Variants in MYOM1 observed in about 807,000 individuals in gnomAD.
MYOM1 encodes myomesin 1, also known as myomesin-1.
In MYOM1, 164 loss-of-function variants were observed where a neutral mutation model predicts 205.3. The observed-to-expected ratio is 0.80, with a 90% confidence interval of 0.70 to 0.91. MYOM1 has a LOEUF of 0.91. Among genes scored for constraint, MYOM1 ranks in the 40% least tolerant of loss-of-function variants. The pLI is 0.00. For missense variants in MYOM1, 2,011 were observed against 2,127.3 expected (o/e 0.95, Z 1.08); for synonymous variants, 772 against 789.4 (o/e 0.98, Z 0.37).
chr18:3,071,368 AT>A (rs142213821), intron 37 of MYOM1, among the ~76,000 whole-genome samples: 1 of 150,266 alleles, frequency 6.7e-6, no homozygotes, highest in Non-Finnish European at 1.5e-5. Flanking sequence ...AAACCGACTG[AT>A]TTTTTTTGAG....
chr18:3,090,930 C>T, intron 26 of MYOM1, 128 bp from the exon 27 acceptor site: 1 of 1,189,302 alleles, frequency 8.4e-7, no homozygotes, highest in Non-Finnish European at 1.2e-6. Context: ...GCCTGTAATC[C>T]CAGTACTTTG....
intron 9 of MYOM1, 53 bp from the exon 10 acceptor site, chr18:3,164,492 C>T (rs1402013467): frequency 2.0e-6 from 3 of 1,477,960 alleles, no homozygotes; most frequent in East Asian, 4.9e-5. Context: ...TTATAACTTC[C>T]TTCTTGTCTC....
intron 9 of MYOM1, among the ~76,000 whole-genome samples, chr18:3,166,263 C>CTTT (rs765532198): frequency 2.9e-4 from 32 of 111,642 alleles, no homozygotes; most frequent in South Asian, 6.2e-4. Flanking sequence ...TATCTCAAGT[C>CTTT]TTTTTTTTTT....
In MYOM1 at chr18:3,129,345, G is replaced by A; in HGVS notation, c.2681C>T (p.Thr894Ile). ...LPSSSQNLGQTEVSKVSETVQ... is the reference protein window; with the variant it reads ...LPSSSQNLGQIEVSKVSETVQ... ...TGTTTCACTTACTTTACTCACTTCTGTTTGGCCCAGGTTTTGAGAGCTACT... is the reference window on the plus strand; with the variant it reads ...TGTTTCACTTACTTTACTCACTTCTATTTGGCCCAGGTTTTGAGAGCTACT... The change falls in exon 18 of 38, where the codon ACA becomes ATA. Residue 894 changes from threonine to isoleucine, a missense_variant. Thr to Ile is a moderately conservative substitution (Grantham distance 89). Transcript: ENST00000356443. The A allele has an allele frequency of 8.7e-6, 14 of 1,613,972 alleles. No homozygotes were observed. The highest frequency in any genetic ancestry group is 1.2e-5 in the Non-Finnish European group (14 of 1,179,890).
chr18:3,238,285 C>T, the MYOM1 span, among the ~76,000 whole-genome samples: 7,485 of 152,090 alleles, frequency 0.049, 405 homozygotes, highest in African/African-American at 0.14. Context: ...AAGCCACTGC[C>T]GATCTGACAG....
chr18:3,131,387 T>C lies in MYOM1; in HGVS notation c.2494A>G (p.Lys832Glu). Residue 832 changes from lysine to glutamate, a missense_variant, in exon 17 of 38, where the codon AAA (lysine) becomes GAA (glutamate). By Grantham distance (56) the Lys-to-Glu change is moderately conservative (BLOSUM62 1). Coordinates refer to ENST00000356443, the MANE Select transcript of MYOM1 (RefSeq NM_003803.4). ...ATAAGGAACTTACCAATAGCAGCTT[T>C]GACTTCAATAGCTTCTGAATCCTGG... is the stretch of plus-strand genomic sequence containing the variant. ...YSQDSEAIEV[K>E]AAIGGGVSPD... 2 of 1,613,920 alleles carry C rather than the reference T, an allele frequency of 1.2e-6. No individual in the cohort carries two copies. The highest frequency in any genetic ancestry group is 4.5e-5 in the East Asian group (2 of 44,866).
At position 3,129,498 on chromosome 18, in the gene MYOM1, A is replaced by G. The variant is rs1598703591; in HGVS notation, c.2528T>C (p.Val843Ala). 6.2e-7 allele frequency: 1 copy of G among 1,611,710 alleles called. No individual in the cohort carries two copies. The highest frequency in any genetic ancestry group is 8.5e-7 in the Non-Finnish European group (1 of 1,178,310). ...AAIGGGVSPD[V>A]CPALSDEPGG... ...AGGCTCATCGCTCAGTGCGGGACAC[A>G]CATCTGGAGACACTCCTCCCCCTAC... is the stretch of plus-strand genomic sequence containing the variant. The change falls in exon 18 of 38, where the codon GTG (valine) becomes GCG (alanine). Residue 843 changes from valine (V) to alanine (A), a missense_variant. Transcript: ENST00000356443.
At chr18:3,229,119 C>T in the MYOM1 span, among the ~76,000 whole-genome samples, 176 of 152,298 alleles carry the variant, frequency 1.2e-3, no homozygotes, top group African/African-American at 4.0e-3. Context: ...AGTTTCAACC[C>T]AGCTCTTTTA....
intron 19 of MYOM1, among the ~76,000 whole-genome samples, chr18:3,124,675 G>A (rs180843944): frequency 1.3e-5 from 2 of 152,032 alleles, no homozygotes; most frequent in African/African-American, 2.4e-5. Flanking sequence ...TCTCTGTGGG[G>A]GGGGGTTAAT....
At position 3,215,144 on chromosome 18, in the gene MYOM1, C is replaced by G; in HGVS notation, c.80G>C (p.Ser27Thr). Residue 27 changes from serine to threonine, a missense_variant, in exon 2 of 38, where the codon AGT (serine) becomes ACT (threonine). By Grantham distance (58) the Ser-to-Thr change is moderately conservative (BLOSUM62 1). Coordinates refer to ENST00000356443, the MANE Select transcript of MYOM1 (RefSeq NM_003803.4). ...YRNKDVRSTV[S>T]HYQREKKRSA... ...GCGTTTCTTCTCCCGCTGGTAGTGA[C>G]TCACGGTGCTGCGCACGTCCTTGTT... 1 of 1,613,840 alleles carries G rather than the reference C, an allele frequency of 6.2e-7. No homozygotes were observed. Among genetic ancestry groups the G allele is most frequent in the Non-Finnish European group, 8.5e-7 (1 of 1,179,842 alleles).
intron 5 of MYOM1, among the ~76,000 whole-genome samples, chr18:3,177,815 T>C (rs553784526): frequency 6.4e-4 from 97 of 152,358 alleles, no homozygotes; most frequent in African/African-American, 2.2e-3. Flanking sequence ...TTAAGTGTTT[T>C]ATTCAATGTC....
chr18:3,187,592 G>A lies in MYOM1; in HGVS notation c.817C>T (p.Leu273Phe). The change falls in exon 5 of 38, where the codon CTT becomes TTT. Residue 273 changes from leucine (L) to phenylalanine (F), a missense_variant. By Grantham distance (22) the Leu-to-Phe change is conservative. Coordinates refer to ENST00000356443, the MANE Select transcript of MYOM1 (RefSeq NM_003803.4). ...TYHAKLNEDHLLHAPEFIIKP... is the reference protein window; with the variant it reads ...TYHAKLNEDHFLHAPEFIIKP... ...ATGATAAACTCAGGAGCATGGAGAAGATGGTCTTCATTCAGCTTGGCATGA... is the reference window on the plus strand; with the variant it reads ...ATGATAAACTCAGGAGCATGGAGAAAATGGTCTTCATTCAGCTTGGCATGA... The A allele has an allele frequency of 6.2e-7, 1 of 1,613,392 alleles. No homozygotes were observed. Among genetic ancestry groups the A allele is most frequent in the African/African-American group, 1.3e-5 (1 of 75,038 alleles).
At chr18:3,166,346 T>C (rs566206939) in intron 9 of MYOM1, among the ~76,000 whole-genome samples, 1 of 150,506 alleles carries the variant, frequency 6.6e-6, no homozygotes, top group Admixed American at 6.6e-5. Flanking sequence ...TCTCAGCTCA[T>C]TGCAACCTCC....
upstream of MYOM1, among the ~76,000 whole-genome samples, chr18:3,220,450 C>A (rs947357041): frequency 1.3e-5 from 2 of 152,236 alleles, no homozygotes; most frequent in African/African-American, 2.4e-5. Flanking sequence ...CTATTTCTCT[C>A]ACTTCAGGAA....
At chr18:3,175,186 T>G (rs2080619929) in intron 6 of MYOM1, among the ~76,000 whole-genome samples, 2 of 152,178 alleles carry the variant, frequency 1.3e-5, no homozygotes, top group Admixed American at 1.3e-4. Context: ...CTGGCAGAAC[T>G]GACCTGACTT....
chr18:3,158,086 CA>C (rs1223729448), intron 10 of MYOM1, among the ~76,000 whole-genome samples: 3 of 152,020 alleles, frequency 2.0e-5, no homozygotes, highest in Non-Finnish European at 4.4e-5. Flanking sequence ...ATATGATAAT[CA>C]AAAAATATGT....
chr18:3,136,205 G>A (rs1317624577), intron 14 of MYOM1, among the ~76,000 whole-genome samples: 1 of 152,104 alleles, frequency 6.6e-6, no homozygotes, highest in Non-Finnish European at 1.5e-5. Context: ...GGAACTGTGA[G>A]TCCATTAAAC....
rs538859891 is a variant in MYOM1 at position 3,128,206 on chromosome 18, G to A, written c.2794+1026C>T. Among the ~76,000 whole-genome samples, 11 of 152,192 alleles carry A rather than the reference G, an allele frequency of 7.2e-5. 1 individual carries two copies. The South Asian group carries it at 2.3e-3, about 32-fold the overall frequency. On this transcript the variant is annotated intron_variant, in intron 18 of 37. Coordinates refer to ENST00000356443, the MANE Select transcript of MYOM1 (RefSeq NM_003803.4). ...CCTTTATTCCTCACATTTTAAAAAA[G>A]CTTTCTCTCTCTCCCTCTATTTCAG... is the stretch of plus-strand genomic sequence containing the variant.
intron 29 of MYOM1, 42 bp from the exon 30 acceptor site, chr18:3,086,193 T>C (rs1470694212): frequency 7.8e-7 from 1 of 1,285,098 alleles, no homozygotes; most frequent in Non-Finnish European, 1.1e-6. Flanking sequence ...AATAAGAAAG[T>C]GTACTCTTGT....
Sources: gnomAD v4.1 joint callset for allele counts (sites outside exome capture counted in the v4.1 genomes callset) on GRCh38, gnomAD v4.1.1 for gene constraint, MANE v1.5 for transcripts, NCBI Gene and HGNC (gene_info 2026-07-23, HGNC 2026-07-21) for gene names.